MAP3K20: variants seen among roughly 807,000 people sequenced by gnomAD.
MAP3K20 encodes HCCS-4.
MAP3K20 carries 40 observed loss-of-function variants against 85.7 expected under a neutral mutation model. The observed-to-expected ratio is 0.47, with a 90% confidence interval of 0.36 to 0.61. MAP3K20 has a LOEUF of 0.61. Among genes scored for constraint, MAP3K20 ranks in the 20% least tolerant of loss-of-function variants. The pLI is 0.00. For synonymous variants in MAP3K20, 325 were observed against 327.7 expected (o/e 0.99, Z 0.09); for missense variants, 817 against 961.7 (o/e 0.85, Z 1.99).
intron 2 of MAP3K20, among the ~76,000 whole-genome samples, chr2:173,113,332 T>C (rs1287436116): frequency 1.3e-5 from 2 of 152,190 alleles, no homozygotes; most frequent in African/African-American, 4.8e-5. Context: ...TATTTATCTT[T>C]TCAAAGGACC....
chr2:173,180,538 T>G (rs1436627833), intron 3 of MAP3K20, among the ~76,000 whole-genome samples: 4 of 152,208 alleles, frequency 2.6e-5, no homozygotes, highest in African/African-American at 9.6e-5. Flanking sequence ...TTAGCCAGCG[T>G]GGTGATGTGC....
chr2:173,167,477 C>G (rs1337961719), intron 2 of MAP3K20, among the ~76,000 whole-genome samples: 2 of 152,120 alleles, frequency 1.3e-5, no homozygotes, highest in African/African-American at 4.8e-5. Flanking sequence ...CAGTACAGCA[C>G]TCTAAAATAA....
intron 3 of MAP3K20, among the ~76,000 whole-genome samples, chr2:173,174,909 A>C (rs1266760565): frequency 6.6e-6 from 1 of 152,208 alleles, no homozygotes; most frequent in Non-Finnish European, 1.5e-5. Context: ...CAAGTACCCA[A>C]TGGCATAACA....
intron 12 of MAP3K20, among the ~76,000 whole-genome samples, chr2:173,231,587 T>TC (rs752287421): frequency 3.1e-4 from 47 of 152,292 alleles, no homozygotes; most frequent in Non-Finnish European, 5.9e-4. Context: ...AGTTGAGGGC[T>TC]CCCCAGAGAA....
chr2:173,186,283 A>G (rs1489140884), intron 4 of MAP3K20, among the ~76,000 whole-genome samples: 2 of 152,198 alleles, frequency 1.3e-5, no homozygotes, highest in African/African-American at 4.8e-5. Context: ...CTAAAGCAAG[A>G]GAGAGGTAAC....
chr2:173,144,487 AAAAG>A (rs1365026233), intron 2 of MAP3K20, among the ~76,000 whole-genome samples: 73 of 142,946 alleles, frequency 5.1e-4, no homozygotes, highest in Non-Finnish European at 8.1e-4. Context: ...AAAAAAAAAG[AAAAG>A]AAAGAAAGAA....
intron 2 of MAP3K20, among the ~76,000 whole-genome samples, chr2:173,136,980 T>G (rs982050849): frequency 6.6e-6 from 1 of 152,194 alleles, no homozygotes; most frequent in Non-Finnish European, 1.5e-5. Flanking sequence ...ATTAAGATCT[T>G]TGTTCTATCC....
At chr2:173,084,150 C>G (rs527713152) in intron 1 of MAP3K20, among the ~76,000 whole-genome samples, 1 of 152,256 alleles carries the variant, frequency 6.6e-6, no homozygotes. Flanking sequence ...CTCAAGTGAT[C>G]CTCCAACCTC....
At chr2:173,259,195 T>C (rs1396742290) in intron 17 of MAP3K20, among the ~76,000 whole-genome samples, 1 of 152,190 alleles carries the variant, frequency 6.6e-6, no homozygotes, top group Non-Finnish European at 1.5e-5. Flanking sequence ...CTTTCTTGGT[T>C]GAGGTCAATT....
intron 3 of MAP3K20, among the ~76,000 whole-genome samples, chr2:173,174,462 G>A (rs1379108196): frequency 1.3e-5 from 2 of 152,152 alleles, no homozygotes; most frequent in East Asian, 3.8e-4. Context: ...GTGGTGTTTG[G>A]TTTTCTGTTC....
chr2:173,254,525 A>C (rs1685116821), intron 16 of MAP3K20, among the ~76,000 whole-genome samples: 1 of 152,160 alleles, frequency 6.6e-6, no homozygotes. Context: ...CAGATATGTA[A>C]GTAAAATCCT....
intron 2 of MAP3K20, among the ~76,000 whole-genome samples, chr2:173,103,493 A>C (rs79186045): frequency 6.6e-6 from 1 of 152,222 alleles, no homozygotes; most frequent in African/African-American, 2.4e-5. Flanking sequence ...CCTTGTTTCA[A>C]AAAGGATTTA....
Position 173,239,117 on chromosome 2 carries a change from T to C in MAP3K20, c.1267-287T>C, listed in dbSNP as rs189532763. ...TCACAATGCATCTCTAGGTGCTAAG[T>C]GCATTTCTAGGGTAAAATTGCACAA... On this transcript the variant is annotated intron_variant, in intron 15 of 19. Coordinates refer to ENST00000375213, the MANE Select transcript of MAP3K20 (RefSeq NM_016653.3). Among the ~76,000 whole-genome samples the C allele has an allele frequency of 1.9e-3, 283 of 152,300 alleles. 2 individuals carry two copies. The highest frequency in any genetic ancestry group is 0.014 in the Middle Eastern group (4 of 294).
chr2:173,141,840 A>AT (rs1238111279), intron 2 of MAP3K20, among the ~76,000 whole-genome samples: 1 of 152,240 alleles, frequency 6.6e-6, no homozygotes, highest in East Asian at 1.9e-4. Flanking sequence ...CAGAAAAAAA[A>AT]GACACATTAC....
chr2:173,172,977 T>C (rs911279755), intron 3 of MAP3K20, among the ~76,000 whole-genome samples: 14 of 152,068 alleles, frequency 9.2e-5, no homozygotes, highest in Non-Finnish European at 7.4e-5. Flanking sequence ...TTTGTATTTT[T>C]AGTAGAGACG....
At chr2:173,194,351 TTC>T (rs1441330817) in intron 7 of MAP3K20, among the ~76,000 whole-genome samples, 2 of 152,238 alleles carry the variant, frequency 1.3e-5, no homozygotes, top group East Asian at 1.9e-4. Context: ...CCTCTTCTCA[TTC>T]TGTTTGTTCT....
chr2:173,217,824 C>T (rs1372114744), intron 11 of MAP3K20, among the ~76,000 whole-genome samples: 1 of 152,130 alleles, frequency 6.6e-6, no homozygotes, highest in Non-Finnish European at 1.5e-5. Flanking sequence ...TTTATTACAC[C>T]TAGGCAGTAT....
intron 7 of MAP3K20, among the ~76,000 whole-genome samples, chr2:173,191,747 C>T (rs1351185844): frequency 6.6e-6 from 1 of 152,134 alleles, no homozygotes; most frequent in African/African-American, 2.4e-5. Context: ...TGAAGCGTGA[C>T]TCTAAGGCAT....
At chr2:173,243,686 C>T (rs1226634503) in intron 16 of MAP3K20, among the ~76,000 whole-genome samples, 2 of 152,182 alleles carry the variant, frequency 1.3e-5, no homozygotes, top group African/African-American at 2.4e-5. Flanking sequence ...GGCGCTATCT[C>T]GGCTCACTGC....
Sources: allele counts gnomAD v4.1 joint callset (sites outside exome capture counted in the v4.1 genomes callset), GRCh38; gene constraint gnomAD v4.1.1; transcripts MANE v1.5; gene names NCBI Gene and HGNC (gene_info 2026-07-23, HGNC 2026-07-21).